The following COA7 variants were observed in gnomAD, a reference collection of about 807,000 sequenced individuals.
COA7 encodes Sel1 repeat containing 1.
A neutral mutation model predicts 21.0 loss-of-function variants in COA7; 12 were observed. The observed-to-expected ratio is 0.57, with a 90% CI of 0.37 to 0.92. The LOEUF (loss-of-function observed/expected upper bound fraction) is 0.92. COA7 is among the 40% of genes least tolerant of loss of function. COA7 has a pLI of 0.01. For missense variants in COA7, 240 were observed against 286.1 expected (o/e 0.84, Z 1.16); for synonymous variants, 95 against 107.4 (o/e 0.88, Z 0.72).
chr1:52,692,713 C>T lies in COA7; in HGVS notation c.247+14G>A. 6.2e-7 allele frequency: 1 copy of T among 1,613,932 alleles called. No homozygotes were observed. The highest frequency in any genetic ancestry group is 8.5e-7 in the Non-Finnish European group (1 of 1,179,856). On this transcript the variant is annotated intron_variant, in intron 2 of 2. Transcript: ENST00000371538. Reference sequence around the variant, plus strand: ...CTATCAATGACAAGGACCCAAAAGGCAGGCCCTCCTTACCTTTTCCAGTCA... The same window carrying T: ...CTATCAATGACAAGGACCCAAAAGGTAGGCCCTCCTTACCTTTTCCAGTCA...
At chr1:52,697,636 G>A (rs544746535) in intron 1 of COA7, among the ~76,000 whole-genome samples, 4 of 152,110 alleles carry the variant, frequency 2.6e-5, no homozygotes, top group Non-Finnish European at 5.9e-5. Context: ...GCAGTGGCGC[G>A]ATCTCTGCTC....
At chr1:52,688,710 G>A (rs1272730627) in intron 2 of COA7, among the ~76,000 whole-genome samples, 2 of 152,168 alleles carry the variant, frequency 1.3e-5, no homozygotes, top group Non-Finnish European at 2.9e-5. Context: ...CATACTATGA[G>A]CTCAGGCAGC....
intron 2 of COA7, among the ~76,000 whole-genome samples, chr1:52,691,470 G>GTTTT (rs541566680): frequency 2.5e-5 from 3 of 122,054 alleles, no homozygotes; most frequent in Admixed American, 8.4e-5. Flanking sequence ...GTGTGTGTGT[G>GTTTT]TTTTTTTTTT....
Position 52,692,715 on chromosome 1 carries a change from G to A in COA7, c.247+12C>T. 1 of 1,614,022 alleles carries A rather than the reference G, an allele frequency of 6.2e-7. No homozygotes were observed. Among genetic ancestry groups the A allele is most frequent in the Non-Finnish European group, 8.5e-7 (1 of 1,179,936 alleles). ...ATCAATGACAAGGACCCAAAAGGCA[G>A]GCCCTCCTTACCTTTTCCAGTCACA... On this transcript the variant is annotated intron_variant, in intron 2 of 2. Coordinates refer to ENST00000371538, the MANE Select transcript of COA7 (RefSeq NM_023077.3).
At position 52,694,461 on chromosome 1, in the gene COA7, G is replaced by GGAAA. The variant is rs751466526; in HGVS notation, c.107-1595_107-1594insTTTC. On this transcript the variant is annotated intron_variant, in intron 1 of 2. Transcript: ENST00000371538. The stretch of plus-strand genomic sequence containing the variant: ...GGCAACAAGAGCAAAACTCCATCTC[G>GGAAA]AAAAAAAAAAAAAAAAAAAAGCCCA... 5.1e-4 allele frequency among the ~76,000 whole-genome samples: 33 copies of GGAAA among 64,968 alleles called. 2 individuals carry two copies. Among genetic ancestry groups the GGAAA allele is most frequent in the African/African-American group, 1.3e-3 (24 of 18,166 alleles). 42.6% of individuals were successfully genotyped at this position (64,968 alleles called of 152,430 possible).
At chr1:52,691,940 C>T (rs1297514307) in intron 2 of COA7, among the ~76,000 whole-genome samples, 1 of 152,160 alleles carries the variant, frequency 6.6e-6, no homozygotes, top group East Asian at 1.9e-4. Flanking sequence ...TGGATTCTAT[C>T]TTGTTGTCTC....
intron 1 of COA7, among the ~76,000 whole-genome samples, chr1:52,693,712 G>C (rs1384027841): frequency 6.6e-6 from 1 of 152,058 alleles, no homozygotes; most frequent in Non-Finnish European, 1.5e-5. Flanking sequence ...AAAGAGTAGA[G>C]GCGGCAGCTT....
intron 2 of COA7, among the ~76,000 whole-genome samples, chr1:52,691,901 C>G (rs1227062842): frequency 6.6e-6 from 1 of 152,174 alleles, no homozygotes; most frequent in African/African-American, 2.4e-5. Context: ...AAGTGTGTGA[C>G]TTCCAAAGAT....
In COA7 at chr1:52,686,081, A is replaced by T. The variant is rs1421078961; in HGVS notation, c.*1639T>A. ...GGGTTTCGTCATGTTGGCCAGGCTG[A>T]TCTCGAACTCCTGACCTCAAGTGAT... is the stretch of plus-strand genomic sequence containing the variant. On this transcript the variant is annotated 3_prime_UTR_variant, in exon 3 of 3. Coordinates refer to ENST00000371538, the MANE Select transcript of COA7 (RefSeq NM_023077.3). The T allele has an allele frequency of 6.6e-6, 1 of 150,920 alleles. No individual in the cohort carries two copies. Among genetic ancestry groups the T allele is most frequent in the Non-Finnish European group, 1.5e-5 (1 of 67,866 alleles). 9.3% of individuals were successfully genotyped at this position (150,920 alleles called of 1,614,324 possible).
intron 1 of COA7, among the ~76,000 whole-genome samples, chr1:52,694,734 A>T (rs955153266): frequency 5.6e-5 from 7 of 124,454 alleles, no homozygotes; most frequent in African/African-American, 1.7e-4. Flanking sequence ...ATTTGGAAAA[A>T]ATTTAAAAAT....
intron 2 of COA7, among the ~76,000 whole-genome samples, chr1:52,690,069 T>C (rs1571717586): frequency 6.8e-6 from 1 of 146,472 alleles, no homozygotes; most frequent in Admixed American, 6.8e-5. Context: ...ATTTTAAGTG[T>C]AAAAAGAGCA....
chr1:52,696,541 A>G, intron 1 of COA7, among the ~76,000 whole-genome samples: 1 of 152,118 alleles, frequency 6.6e-6, no homozygotes, highest in East Asian at 1.9e-4. Context: ...TATGATATGT[A>G]TATGGTTGTG....
intron 2 of COA7, among the ~76,000 whole-genome samples, chr1:52,691,986 A>C (rs553930425): frequency 6.6e-6 from 1 of 152,320 alleles, no homozygotes; most frequent in South Asian, 2.1e-4. Context: ...CCCAGACGCC[A>C]TGTCATGAGG....
rs1319193916 is a variant in COA7, at chr1:52,686,835, C to T, written c.*885G>A. 8 of 152,150 alleles carry T rather than the reference C, an allele frequency of 5.3e-5. No homozygotes were observed. Among genetic ancestry groups the T allele is most frequent in the African/African-American group, 1.4e-4 (6 of 41,422 alleles). The allele number at this position is 152,150 out of a possible 1,614,324, so 9.4% of individuals were successfully genotyped here. On this transcript the variant is annotated 3_prime_UTR_variant, in exon 3 of 3. Coordinates refer to ENST00000371538, the MANE Select transcript of COA7 (RefSeq NM_023077.3). ...GGAAAGAACACTAATTAACACAAAC[C>T]GTAGGTCACTCAAAATTGTTCATTC...
chr1:52,689,073 C>T (rs981409163), intron 2 of COA7, among the ~76,000 whole-genome samples: 6 of 152,070 alleles, frequency 3.9e-5, no homozygotes, highest in Non-Finnish European at 7.4e-5. Flanking sequence ...CAAGATTGTC[C>T]AACCCATGGG....
chr1:52,693,660 A>C (rs1397716922), intron 1 of COA7, among the ~76,000 whole-genome samples: 2 of 151,904 alleles, frequency 1.3e-5, no homozygotes, highest in Admixed American at 1.3e-4. Flanking sequence ...TAATGACTAT[A>C]GCTTACTCCT....
rs770470891 is a variant in COA7 at position 52,688,054 on chromosome 1, C to T, written c.362G>A (p.Gly121Glu). ...CHNVGLLAHDGQVNEDGQPDL... is the reference protein window; with the variant it reads ...CHNVGLLAHDEQVNEDGQPDL... ...AGGCTGGCCATCCTCATTAACCTGT[C>T]CATCATGTGCCAGGAGGCCAACGTT... Residue 121 changes from glycine to glutamate, a missense_variant, in exon 3 of 3, where the codon GGA becomes GAA. By Grantham distance (98) the Gly-to-Glu change is moderately conservative. Transcript: ENST00000371538. The T allele has an allele frequency of 6.2e-7, 1 of 1,614,048 alleles. No homozygotes were observed. Among genetic ancestry groups the T allele is most frequent in the Non-Finnish European group, 8.5e-7 (1 of 1,180,032 alleles).
rs1043574467 is a variant in COA7 at position 52,697,911 on chromosome 1, G to A, written c.106+310C>T. On this transcript the variant is annotated intron_variant, in intron 1 of 2. Transcript: ENST00000371538. ...TCGAACACGATTTCATGAATTACCTGAGGCTTATTGCCCGACTCCCCGCAC... is the reference window on the plus strand; with the variant it reads ...TCGAACACGATTTCATGAATTACCTAAGGCTTATTGCCCGACTCCCCGCAC... The A allele has an allele frequency of 9.1e-6, 3 of 330,242 alleles. No homozygotes were observed. In the Admixed American group the frequency reaches 1.4e-4, roughly 16 times the overall value. The allele number at this position is 330,242 out of a possible 1,614,324, so 20.5% of individuals were successfully genotyped here.
At chr1:52,693,326 C>T (rs1299877251) in intron 1 of COA7, among the ~76,000 whole-genome samples, 1 of 151,890 alleles carries the variant, frequency 6.6e-6, no homozygotes, top group Non-Finnish European at 1.5e-5. Context: ...GCCTGTAATC[C>T]CAGCACTTGG....
Sources: gnomAD v4.1 joint callset for allele counts (sites outside exome capture counted in the v4.1 genomes callset) on GRCh38, gnomAD v4.1.1 for gene constraint, MANE v1.5 for transcripts, NCBI Gene and HGNC (gene_info 2026-07-23, HGNC 2026-07-21) for gene names.